Variants in XNDC1N observed in about 807,000 individuals in gnomAD.
The protein encoded by XNDC1N is protein XNDC1N.
At chr11:71,901,286 C>T in the XNDC1N span, among the ~76,000 whole-genome samples, 11 of 152,140 alleles carry the variant, frequency 7.2e-5, no homozygotes, top group East Asian at 1.9e-4. Context: ...CCTGTGGTTA[C>T]GACCTCTGAG....
At chr11:71,911,705 GA>G in the XNDC1N span, among the ~76,000 whole-genome samples, 2 of 152,200 alleles carry the variant, frequency 1.3e-5, no homozygotes, top group African/African-American at 4.8e-5. Context: ...AACTCTGGGG[GA>G]AAAGGCACAA....
chr11:71,899,336 T>C, the XNDC1N span, among the ~76,000 whole-genome samples: 4 of 152,060 alleles, frequency 2.6e-5, no homozygotes, highest in Non-Finnish European at 2.9e-5. Context: ...TCCGTGGTCA[T>C]GGCCCAGCAG....
the XNDC1N span, chr11:71,919,071 A>C: frequency 1.4e-6 from 1 of 698,130 alleles, no homozygotes; most frequent in Non-Finnish European, 2.6e-6. Context: ...ACTGCGCCCA[A>C]GGGAAAAAGG....
chr11:71,906,261 CATT>C, the XNDC1N span, among the ~76,000 whole-genome samples: 1 of 151,426 alleles, frequency 6.6e-6, no homozygotes, highest in African/African-American at 2.4e-5. Flanking sequence ...TCTTCTGTGA[CATT>C]AGGAGTATAG....
the XNDC1N span, among the ~76,000 whole-genome samples, chr11:71,886,517 C>A: frequency 1.3e-5 from 2 of 151,928 alleles, no homozygotes; most frequent in Admixed American, 1.3e-4. Context: ...CTCAGAAGGC[C>A]ACAAACGTTA....
At chr11:71,887,181 G>A in the XNDC1N span, among the ~76,000 whole-genome samples, 29 of 152,190 alleles carry the variant, frequency 1.9e-4, 1 homozygote, top group South Asian at 4.2e-4. Context: ...CTGAACATTC[G>A]CTAGTAACCG....
the XNDC1N span, among the ~76,000 whole-genome samples, chr11:71,898,618 A>C: frequency 6.6e-6 from 1 of 152,274 alleles, no homozygotes; most frequent in East Asian, 1.9e-4. Flanking sequence ...AAAACAAAAC[A>C]ATTAAATACA....
At chr11:71,920,102 C>T in the XNDC1N span, among the ~76,000 whole-genome samples, 4 of 148,734 alleles carry the variant, frequency 2.7e-5, no homozygotes, top group South Asian at 2.1e-4. Context: ...GGACTACAGG[C>T]GGCCGCTACC....
the XNDC1N span, among the ~76,000 whole-genome samples, chr11:71,908,098 A>C: frequency 6.8e-6 from 1 of 147,460 alleles, no homozygotes; most frequent in Non-Finnish European, 1.5e-5. Flanking sequence ...CGAGCAATAT[A>C]ACAGGTGGGT....
At chr11:71,873,684 A>C in the XNDC1N span, among the ~76,000 whole-genome samples, 20 of 152,340 alleles carry the variant, frequency 1.3e-4, no homozygotes, top group African/African-American at 4.8e-4. Flanking sequence ...AAGAGCAAGA[A>C]AACTAATACG....
the XNDC1N span, among the ~76,000 whole-genome samples, chr11:71,895,048 A>C: frequency 6.6e-6 from 1 of 152,152 alleles, no homozygotes. Flanking sequence ...TGGGGAGTTA[A>C]AAATGATGAG....
chr11:71,908,603 T>C, the XNDC1N span, among the ~76,000 whole-genome samples: 1 of 152,122 alleles, frequency 6.6e-6, no homozygotes, highest in African/African-American at 2.4e-5. Flanking sequence ...AGGCGTGTTT[T>C]TGGGTACCAG....
the XNDC1N span, among the ~76,000 whole-genome samples, chr11:71,879,440 T>C: frequency 1.8e-4 from 27 of 152,294 alleles, no homozygotes; most frequent in African/African-American, 6.0e-4. Context: ...GGTTCATACC[T>C]GAGATTTAGA....
At chr11:71,868,192 T>C in the XNDC1N span, among the ~76,000 whole-genome samples, 1,319 of 152,350 alleles carry the variant, frequency 8.7e-3, 10 homozygotes, top group Non-Finnish European at 0.014. Flanking sequence ...TTACATGCAA[T>C]GACACTGAAG....
chr11:71,868,212 A>C, the XNDC1N span, among the ~76,000 whole-genome samples: 1 of 152,326 alleles, frequency 6.6e-6, no homozygotes, highest in South Asian at 2.1e-4. Flanking sequence ...GACAGCATAC[A>C]GTTGGGGCTT....
chr11:71,884,989 G>A, the XNDC1N span, among the ~76,000 whole-genome samples: 1 of 151,874 alleles, frequency 6.6e-6, no homozygotes, highest in East Asian at 1.9e-4. Flanking sequence ...AGCCCCTCTT[G>A]CCCCCCTGGT....
the XNDC1N span, among the ~76,000 whole-genome samples, chr11:71,883,435 G>A: frequency 6.6e-6 from 1 of 152,130 alleles, no homozygotes; most frequent in Non-Finnish European, 1.5e-5. Flanking sequence ...GAAATCAACT[G>A]ACACTTATAA....
chr11:71,866,915 G>A, the XNDC1N span, among the ~76,000 whole-genome samples: 17 of 152,164 alleles, frequency 1.1e-4, no homozygotes, highest in African/African-American at 4.1e-4. Context: ...CCAAATAAAT[G>A]GCAAGTCACA....
chr11:71,904,469 G>A, the XNDC1N span, among the ~76,000 whole-genome samples: 1 of 152,210 alleles, frequency 6.6e-6, no homozygotes, highest in African/African-American at 2.4e-5. Flanking sequence ...AGGATATTAT[G>A]AATAATATCA....
Sources: allele counts gnomAD v4.1 joint callset (sites outside exome capture counted in the v4.1 genomes callset), GRCh38; gene constraint gnomAD v4.1.1; transcripts MANE v1.5; gene names NCBI Gene and HGNC (gene_info 2026-07-23, HGNC 2026-07-21).